CCDC127: variants seen among roughly 807,000 people sequenced by gnomAD.
CCDC127 encodes coiled-coil domain containing 127, also known as coiled-coil domain-containing protein 127.
A neutral mutation model predicts 4.1 loss-of-function variants in CCDC127; 2 were observed. The observed-to-expected ratio is 0.49, with a 90% CI of 0.20 to 1.53. The LOEUF (loss-of-function observed/expected upper bound fraction) is 1.53, where lower values mean the gene tolerates loss of function less well. CCDC127 is among the 40% of genes most tolerant of loss of function. The pLI, the probability that CCDC127 is intolerant of heterozygous loss-of-function variation, is 0.23. For synonymous variants in CCDC127, 98 were observed against 120.4 expected, an observed-to-expected ratio of 0.81 and a Z score of 1.22; for missense variants, 271 against 322.9, an observed-to-expected ratio of 0.84 and a Z score of 1.23.
Position 203,077 on chromosome 5 carries a change from AC to A in CCDC127, c.*2219del, listed in dbSNP as rs1224832296. 4 of 152,120 alleles carry A rather than the reference AC, an allele frequency of 2.6e-5. No homozygotes were observed. Among genetic ancestry groups the A allele is most frequent in the Non-Finnish European group, 5.9e-5 (4 of 68,042 alleles). 9.4% of individuals were successfully genotyped at this position (152,120 alleles called of 1,614,324 possible). ...ACATGGTGAAACCCCGTCTCTACTA[AC>A]AAAACAAAAATTAGCTGGGTGTGGT... is the stretch of plus-strand genomic sequence containing the variant. On this transcript the variant is annotated 3_prime_UTR_variant, in exon 3 of 3. Coordinates refer to ENST00000296824, the MANE Select transcript of CCDC127 (RefSeq NM_145265.3).
At position 203,451 on chromosome 5, in the gene CCDC127, G is replaced by C. The variant is rs571463286; in HGVS notation, c.*1846C>G. The C allele has an allele frequency of 6.6e-6, 1 of 152,432 alleles. No individual in the cohort carries two copies. The highest frequency in any genetic ancestry group is 1.5e-5 in the Non-Finnish European group (1 of 68,132). The allele number at this position is 152,432 out of a possible 1,614,324, so 9.4% of individuals were successfully genotyped here. A position where few individuals can be genotyped will look rare whatever the true frequency, so the allele number is the denominator to read the frequency against. On this transcript the variant is annotated 3_prime_UTR_variant, in exon 3 of 3. Coordinates refer to ENST00000296824, the MANE Select transcript of CCDC127 (RefSeq NM_145265.3). ...GGCAGGGGGCCCGTGTCTGTTGCAGGCAGCGCATGTTGGCTCTGAGCCCGC... is the reference window on the plus strand; with the variant it reads ...GGCAGGGGGCCCGTGTCTGTTGCAGCCAGCGCATGTTGGCTCTGAGCCCGC...
At chr5:206,552 A>G (rs10071172) in intron 2 of CCDC127, among the ~76,000 whole-genome samples, 51,181 of 152,042 alleles carry the variant, frequency 0.34, 10,337 homozygotes, top group African/African-American at 0.56. Context: ...GCTGGCCTGC[A>G]CTGCAGAGAA....
Position 205,502 on chromosome 5 carries a change from C to G in CCDC127, c.578G>C (p.Arg193Pro), listed in dbSNP as rs766369290. The G allele has an allele frequency of 6.2e-7, 1 of 1,613,884 alleles. No individual in the cohort carries two copies. Among genetic ancestry groups the G allele is most frequent in the South Asian group, 1.1e-5 (1 of 91,070 alleles). Residue 193 changes from arginine (R) to proline (P), a missense_variant, in exon 3 of 3, where the codon CGA becomes CCA. This residue lies in a region of CCDC127 where 265 missense variants were observed against 270.9 expected (regional missense o/e 0.98). Coordinates refer to ENST00000296824, the MANE Select transcript of CCDC127 (RefSeq NM_145265.3). ...AGCGGCGACGGGGTCGACGGACGCT[C>G]GCACCAGTAAGCTCTTCTCTATCTC... ...RLEIEKSLLV[R>P]ASVDPVAADL...
Position 204,161 on chromosome 5 carries a change from G to A in CCDC127, c.*1136C>T, listed in dbSNP as rs1734123865. ...TAGGTGTGTCCTGTATGACTCCAGG[G>A]AGTGGATCCTGGGGTGTCCACACGT... On this transcript the variant is annotated 3_prime_UTR_variant, in exon 3 of 3. Transcript: ENST00000296824. The A allele has an allele frequency of 6.6e-6, 1 of 152,284 alleles. No homozygotes were observed. The highest frequency in any genetic ancestry group is 2.1e-4 in the South Asian group (1 of 4,828). The allele number at this position is 152,284 out of a possible 1,614,324, so 9.4% of individuals were successfully genotyped here. A position where few individuals can be genotyped will look rare whatever the true frequency, so the allele number is the denominator to read the frequency against.
At chr5:216,662 G>A in intron 2 of CCDC127, 67 bp downstream of exon 2, 1 of 1,608,048 alleles carries the variant, frequency 6.2e-7, no homozygotes, top group Non-Finnish European at 8.5e-7. Flanking sequence ...ACACCATGCT[G>A]CCTCCCTCAC....
chr5:203,660 G>C lies in CCDC127; in HGVS notation c.*1637C>G, dbSNP rs979155492. The C allele has an allele frequency of 1.3e-5, 2 of 152,148 alleles. No individual in the cohort carries two copies. Among genetic ancestry groups the C allele is most frequent in the Admixed American group, 1.3e-4 (2 of 15,282 alleles). The allele number at this position is 152,148 out of a possible 1,614,324, so 9.4% of individuals were successfully genotyped here. On this transcript the variant is annotated 3_prime_UTR_variant, in exon 3 of 3. Coordinates refer to ENST00000296824, the MANE Select transcript of CCDC127 (RefSeq NM_145265.3). ...CAGACGGGCAGGAGGGGAGAACATG[G>C]CCCTTGAAAGCAGATGGACAACCTG...
In CCDC127 at chr5:197,317, CGT is replaced by C. The variant is rs1281214004; in HGVS notation, c.*7978_*7979del. 1 of 152,200 alleles carries C rather than the reference CGT, an allele frequency of 6.6e-6. No individual in the cohort carries two copies. The highest frequency in any genetic ancestry group is 1.5e-5 in the Non-Finnish European group (1 of 68,052). The allele number at this position is 152,200 out of a possible 1,614,324, so 9.4% of individuals were successfully genotyped here. On this transcript the variant is annotated 3_prime_UTR_variant, in exon 3 of 3. Transcript: ENST00000296824. Reference sequence around the variant, plus strand: ...CTCTCTCTCAACTGCAAGAGGCTTTCGTCTTTTACTAACCCATGTCAGCACAG... The same window carrying C: ...CTCTCTCTCAACTGCAAGAGGCTTTCCTTTTACTAACCCATGTCAGCACAG...
rs1156244338 is a variant in CCDC127 at position 202,351 on chromosome 5, G to A, written c.*2946C>T. 1 of 152,380 alleles carries A rather than the reference G, an allele frequency of 6.6e-6. No individual in the cohort carries two copies. Among genetic ancestry groups the A allele is most frequent in the Admixed American group, 6.5e-5 (1 of 15,292 alleles). 9.4% of individuals were successfully genotyped at this position (152,380 alleles called of 1,614,324 possible). On this transcript the variant is annotated 3_prime_UTR_variant, in exon 3 of 3. Coordinates refer to ENST00000296824, the MANE Select transcript of CCDC127 (RefSeq NM_145265.3). ...CCTAATCCCAGCACTTTGGGAGGCT[G>A]AGGCAGGTGGATCACCTGAGATCAG...
rs1266814472 is a variant in CCDC127, at chr5:198,118, G to C, written c.*7179C>G. 1.3e-5 allele frequency: 2 copies of C among 152,370 alleles called. No homozygotes were observed. The highest frequency in any genetic ancestry group is 4.8e-5 in the African/African-American group (2 of 41,472). 9.4% of individuals were successfully genotyped at this position (152,370 alleles called of 1,614,324 possible). On this transcript the variant is annotated 3_prime_UTR_variant, in exon 3 of 3. Transcript: ENST00000296824. ...GGGTACCCAGCATGAGTGCCGTACA[G>C]GAGCCTGCCTCCCGGGGGCGTCTCA...
At chr5:210,800 C>T (rs1344026771) in intron 2 of CCDC127, among the ~76,000 whole-genome samples, 1 of 131,954 alleles carries the variant, frequency 7.6e-6, no homozygotes, top group East Asian at 2.3e-4. Context: ...CAGCACCACA[C>T]ACCCATCAGG....
chr5:199,839 A>ATC lies in CCDC127; in HGVS notation c.*5456_*5457dup, dbSNP rs1409743454. ...TGCCCCAATGTGGCACTTTCTGCCCATCTGCCTTTCTTCGTTACTCCTCCC... is the reference window on the plus strand; with the variant it reads ...TGCCCCAATGTGGCACTTTCTGCCCATCTCTGCCTTTCTTCGTTACTCCTCCC... On this transcript the variant is annotated 3_prime_UTR_variant, in exon 3 of 3. Transcript: ENST00000296824. The ATC allele has an allele frequency of 6.6e-6, 1 of 152,366 alleles. No individual in the cohort carries two copies. Among genetic ancestry groups the ATC allele is most frequent in the Non-Finnish European group, 1.5e-5 (1 of 68,228 alleles). The allele number at this position is 152,366 out of a possible 1,614,324, so 9.4% of individuals were successfully genotyped here. A position where few individuals can be genotyped will look rare whatever the true frequency, so the allele number is the denominator to read the frequency against.
In CCDC127 at chr5:204,983, G is replaced by T; in HGVS notation, c.*314C>A. 4.3e-6 allele frequency: 1 copy of T among 232,776 alleles called. No homozygotes were observed. Among genetic ancestry groups the T allele is most frequent in the Non-Finnish European group, 8.3e-6 (1 of 121,050 alleles). 14.4% of individuals were successfully genotyped at this position (232,776 alleles called of 1,614,324 possible). Reference sequence around the variant, plus strand: ...TGTGGTAAGGACCAGTATTGTATTTGACTTTTTAAAAAACCATTTTTACCC... The same window carrying T: ...TGTGGTAAGGACCAGTATTGTATTTTACTTTTTAAAAAACCATTTTTACCC... On this transcript the variant is annotated 3_prime_UTR_variant, in exon 3 of 3. Coordinates refer to ENST00000296824, the MANE Select transcript of CCDC127 (RefSeq NM_145265.3).
chr5:207,582 G>A (rs982659538), intron 2 of CCDC127, among the ~76,000 whole-genome samples: 2 of 152,208 alleles, frequency 1.3e-5, no homozygotes, highest in African/African-American at 2.4e-5. Context: ...CGAGAGCATC[G>A]GAGAGTGAGA....
At position 203,639 on chromosome 5, in the gene CCDC127, C is replaced by CA. The variant is rs1402914659; in HGVS notation, c.*1657_*1658insT. On this transcript the variant is annotated 3_prime_UTR_variant, in exon 3 of 3. Transcript: ENST00000296824. ...ACAGTTGCTCCTACTCCCGTACAGA[C>CA]GGGCAGGAGGGGAGAACATGGCCCT... 2.6e-5 allele frequency: 4 copies of CA among 152,252 alleles called. No homozygotes were observed. The highest frequency in any genetic ancestry group is 9.6e-5 in the African/African-American group (4 of 41,472). 9.4% of individuals were successfully genotyped at this position (152,252 alleles called of 1,614,324 possible).
rs536259968 is a variant in CCDC127 at position 197,062 on chromosome 5, T to C, written c.*8235A>G. 6 of 151,406 alleles carry C rather than the reference T, an allele frequency of 4.0e-5. No individual in the cohort carries two copies. The East Asian group carries it at 1.2e-3, about 29-fold the overall frequency. The allele number at this position is 151,406 out of a possible 1,614,324, so 9.4% of individuals were successfully genotyped here. Reference sequence around the variant, plus strand: ...GTGAGCAAAAGAATCTATGTCGTAATTAAGTTCAAGGGAAGGTACTATGCC... The same window carrying C: ...GTGAGCAAAAGAATCTATGTCGTAACTAAGTTCAAGGGAAGGTACTATGCC... On this transcript the variant is annotated 3_prime_UTR_variant, in exon 3 of 3. Coordinates refer to ENST00000296824, the MANE Select transcript of CCDC127 (RefSeq NM_145265.3).
chr5:207,622 G>T (rs954402788), intron 2 of CCDC127, among the ~76,000 whole-genome samples: 1 of 152,162 alleles, frequency 6.6e-6, no homozygotes, highest in Non-Finnish European at 1.5e-5. Flanking sequence ...GCCTGGGGAC[G>T]GGGCTTATGT....
At chr5:206,346 C>T (rs1047016929) in intron 2 of CCDC127, among the ~76,000 whole-genome samples, 2 of 152,206 alleles carry the variant, frequency 1.3e-5, no homozygotes, top group African/African-American at 4.8e-5. Context: ...AGTAAACGGC[C>T]TGAGTTTGAG....
Position 198,220 on chromosome 5 carries a change from C to T in CCDC127, c.*7077G>A, listed in dbSNP as rs1734004434. 1.3e-5 allele frequency: 2 copies of T among 152,314 alleles called. No homozygotes were observed. Among genetic ancestry groups the T allele is most frequent in the Admixed American group, 6.5e-5 (1 of 15,288 alleles). The allele number at this position is 152,314 out of a possible 1,614,324, so 9.4% of individuals were successfully genotyped here. Reference sequence around the variant, plus strand: ...ACATTCGTCTCTGCCTGCTCTGCAACCACCTAAGTGCTCTCTGCACACTGC... The same window carrying T: ...ACATTCGTCTCTGCCTGCTCTGCAATCACCTAAGTGCTCTCTGCACACTGC... On this transcript the variant is annotated 3_prime_UTR_variant, in exon 3 of 3. Transcript: ENST00000296824.
intron 2 of CCDC127, among the ~76,000 whole-genome samples, chr5:208,208 T>C (rs1397117191): frequency 6.6e-6 from 1 of 152,168 alleles, no homozygotes; most frequent in Admixed American, 6.5e-5. Flanking sequence ...GGACATCATC[T>C]GTAAAACAAG....
Sources: gnomAD v4.1 joint callset for allele counts (sites outside exome capture counted in the v4.1 genomes callset) on GRCh38, gnomAD v4.1.1 for gene constraint, gnomAD v4.1.1 regional missense constraint, MANE v1.5 for transcripts, NCBI Gene and HGNC (gene_info 2026-07-23, HGNC 2026-07-21) for gene names.